COL25A1: variants seen among roughly 807,000 people sequenced by gnomAD.
COL25A1 encodes the protein collagen alpha-1(XXV) chain.
In COL25A1, 103 loss-of-function variants were observed where a neutral mutation model predicts 128.4. The observed-to-expected ratio is 0.80, with a 90% CI of 0.68 to 0.94. The LOEUF (loss-of-function observed/expected upper bound fraction) is 0.94. Ranked by LOEUF, COL25A1 falls within the 40% of genes least tolerant of loss-of-function variation. The pLI is 0.00. For missense variants in COL25A1, 745 were observed against 840.0 expected, an observed-to-expected ratio of 0.89 and a Z score of 1.40; for synonymous variants, 279 against 277.2, an observed-to-expected ratio of 1.01 and a Z score of -0.06.
At chr4:109,094,550 C>T (rs375806474) in intron 3 of COL25A1, among the ~76,000 whole-genome samples, 8 of 152,168 alleles carry the variant, frequency 5.3e-5, no homozygotes, top group African/African-American at 1.9e-4. Flanking sequence ...TCGTCTACCC[C>T]CTTCTTGTAA....
intron 19 of COL25A1, among the ~76,000 whole-genome samples, chr4:108,874,490 G>C (rs1225810739): frequency 6.6e-6 from 1 of 151,374 alleles, no homozygotes; most frequent in East Asian, 1.9e-4. Flanking sequence ...CTTTTTTACT[G>C]GGCAATTACC....
intron 3 of COL25A1, among the ~76,000 whole-genome samples, chr4:109,300,332 C>T (rs1725391851): frequency 6.6e-6 from 1 of 152,164 alleles, no homozygotes; most frequent in East Asian, 1.9e-4. Context: ...TGTCCTTGTA[C>T]ATCACCTTGC....
intron 19 of COL25A1, among the ~76,000 whole-genome samples, chr4:108,874,821 A>G (rs1739240572): frequency 1.3e-5 from 2 of 152,232 alleles, no homozygotes. Context: ...ACACCAATGA[A>G]TAGCATAAGA....
chr4:108,990,170 C>T, intron 6 of COL25A1, among the ~76,000 whole-genome samples: 1 of 122,120 alleles, frequency 8.2e-6, no homozygotes. Flanking sequence ...TGAGATCACA[C>T]CATTGCACTC....
chr4:108,964,779 A>G (rs1184049529), intron 8 of COL25A1, among the ~76,000 whole-genome samples: 1 of 152,220 alleles, frequency 6.6e-6, no homozygotes, highest in Non-Finnish European at 1.5e-5. Context: ...TATGACACAG[A>G]ACACTCTAAA....
At chr4:108,844,883 G>C (rs1458566754) in intron 29 of COL25A1, among the ~76,000 whole-genome samples, 1 of 152,134 alleles carries the variant, frequency 6.6e-6, no homozygotes, top group East Asian at 1.9e-4. Flanking sequence ...CATAAGCAGG[G>C]CTCTGGAGAA....
At chr4:108,893,455 C>G (rs1375520245) in intron 16 of COL25A1, among the ~76,000 whole-genome samples, 1 of 152,212 alleles carries the variant, frequency 6.6e-6, no homozygotes, top group South Asian at 2.1e-4. Context: ...CCGTCTTTGG[C>G]AGGTTTACGC....
At chr4:109,271,368 T>G (rs1782189336) in intron 3 of COL25A1, among the ~76,000 whole-genome samples, 1 of 152,242 alleles carries the variant, frequency 6.6e-6, no homozygotes, top group South Asian at 2.1e-4. Flanking sequence ...ATTACATATT[T>G]CCTTTGGCCT....
At chr4:108,836,189 G>C (rs1010314376) in intron 31 of COL25A1, among the ~76,000 whole-genome samples, 1 of 151,934 alleles carries the variant, frequency 6.6e-6, no homozygotes, top group Non-Finnish European at 1.5e-5. Context: ...TCTTTTGTTA[G>C]CAATAATTAC....
At chr4:109,054,744 C>G (rs1020661216) in intron 3 of COL25A1, among the ~76,000 whole-genome samples, 1 of 152,146 alleles carries the variant, frequency 6.6e-6, no homozygotes, top group African/African-American at 2.4e-5. Context: ...AAGTAAAGGG[C>G]AGAAAACCGA....
chr4:109,111,007 A>G (rs909422024), intron 3 of COL25A1, among the ~76,000 whole-genome samples: 1 of 152,110 alleles, frequency 6.6e-6, no homozygotes, highest in Non-Finnish European at 1.5e-5. Context: ...CCCTTCAAGC[A>G]TTTTTCATTG....
chr4:109,209,424 A>C (rs1211439781), intron 3 of COL25A1, among the ~76,000 whole-genome samples: 3 of 152,200 alleles, frequency 2.0e-5, no homozygotes, highest in African/African-American at 7.2e-5. Flanking sequence ...CAAATCAATG[A>C]GAGTTTCTCT....
chr4:108,995,435 A>T (rs1754673816), intron 6 of COL25A1, among the ~76,000 whole-genome samples: 1 of 152,342 alleles, frequency 6.6e-6, no homozygotes, highest in Non-Finnish European at 1.5e-5. Context: ...AGTGAAAAGA[A>T]ATGAACAAAG....
rs539311151 is a variant in COL25A1, at chr4:109,218,915, C to G, written c.367+81668G>C. Among the ~76,000 whole-genome samples the G allele has an allele frequency of 2.6e-5, 4 of 152,108 alleles. No individual in the cohort carries two copies. The South Asian group carries it at 8.3e-4, about 32-fold the overall frequency. On this transcript the variant is annotated intron_variant, in intron 3 of 37. Transcript: ENST00000399132. ...CAAAATAGGTTCATAGTTAGAATAC[C>G]TCCACAAGGCTCTTGATGGCTCACA...
At chr4:108,906,961 C>A (rs1743605389) in intron 13 of COL25A1, among the ~76,000 whole-genome samples, 1 of 152,170 alleles carries the variant, frequency 6.6e-6, no homozygotes, top group African/African-American at 2.4e-5. Flanking sequence ...GGCTGCCCAA[C>A]TGGGAGCTTG....
chr4:109,254,961 G>T (rs532962193), intron 3 of COL25A1, among the ~76,000 whole-genome samples: 2 of 152,150 alleles, frequency 1.3e-5, no homozygotes, highest in Non-Finnish European at 2.9e-5. Context: ...AAGTGCTTTC[G>T]CAGAATTGCA....
At chr4:108,844,483 A>G (rs780711456) in intron 30 of COL25A1, 36 bp downstream of exon 30, 7 of 1,614,074 alleles carry the variant, frequency 4.3e-6, no homozygotes, top group African/African-American at 1.3e-5. Flanking sequence ...ATGCTCATAA[A>G]TAAGCAATTA....
chr4:109,238,497 G>T (rs1390959796), intron 3 of COL25A1, among the ~76,000 whole-genome samples: 1 of 152,030 alleles, frequency 6.6e-6, no homozygotes, highest in East Asian at 1.9e-4. Context: ...TACTGCATGT[G>T]AGGCTCTGTA....
chr4:108,897,702 A>C (rs1450259375), intron 15 of COL25A1, among the ~76,000 whole-genome samples: 1 of 152,240 alleles, frequency 6.6e-6, no homozygotes, highest in East Asian at 1.9e-4. Context: ...GCTGGAATGC[A>C]GTCACTTTTC....
Sources: allele counts gnomAD v4.1 joint callset (sites outside exome capture counted in the v4.1 genomes callset), GRCh38; gene constraint gnomAD v4.1.1; transcripts MANE v1.5; gene names NCBI Gene and HGNC (gene_info 2026-07-23, HGNC 2026-07-21).